The following LDHB variants were observed in gnomAD, a reference collection of about 807,000 sequenced individuals.
LDHB encodes lactate dehydrogenase B, also known as L-lactate dehydrogenase B chain.
Under a neutral mutation model 33.4 loss-of-function variants are expected in LDHB, and 18 were observed. The ratio of observed to expected loss-of-function variants is 0.54; its 90% CI spans 0.37 to 0.80. LDHB has a LOEUF of 0.80. LDHB is among the 30% of genes least tolerant of loss of function. LDHB has a pLI of 0.00. For synonymous variants in LDHB, 121 were observed against 140.6 expected (o/e 0.86, Z 0.98); for missense variants, 345 against 407.9 (o/e 0.85, Z 1.33).
intron 3 of LDHB, among the ~76,000 whole-genome samples, 188 bp from the exon 4 acceptor site, chr12:21,644,296 C>A (rs563210008): frequency 1.3e-5 from 2 of 151,866 alleles, no homozygotes; most frequent in South Asian, 4.1e-4. Flanking sequence ...TTGAGCTACA[C>A]TGCAATAATC....
At position 21,646,919 on chromosome 12, in the gene LDHB, G is replaced by C. The variant is rs776266803; in HGVS notation, c.227C>G (p.Pro76Arg). ...ATTACCTTTATCTGCCACAATTTTAGGTGTCTGAAGAAATAAGCTCCCATG... is the reference window on the plus strand; with the variant it reads ...ATTACCTTTATCTGCCACAATTTTACGTGTCTGAAGAAATAAGCTCCCATG... ...LQHGSLFLQTPKIVADKDYSV... is the reference protein window; with the variant it reads ...LQHGSLFLQTRKIVADKDYSV... Residue 76 changes from proline to arginine, a missense_variant, in exon 3 of 8, where the codon CCT (proline) becomes CGT (arginine). Transcript: ENST00000350669. 4 of 1,607,882 alleles carry C rather than the reference G, an allele frequency of 2.5e-6. No homozygotes were observed. The East Asian group carries it at 6.7e-5, about 27-fold the overall frequency.
chr12:21,646,209 C>T (rs961584305), intron 3 of LDHB, among the ~76,000 whole-genome samples: 1 of 152,148 alleles, frequency 6.6e-6, no homozygotes, highest in African/African-American at 2.4e-5. Context: ...CAGGTTATAT[C>T]TAAATTGAGA....
intron 2 of LDHB, among the ~76,000 whole-genome samples, chr12:21,648,206 A>G (rs1938581795): frequency 6.6e-6 from 1 of 152,126 alleles, no homozygotes; most frequent in Non-Finnish European, 1.5e-5. Context: ...GTTAGCAAAA[A>G]TATCAGCTAA....
intron 3 of LDHB, 66 bp downstream of exon 3, chr12:21,646,833 C>G (rs1054366141): frequency 9.1e-6 from 8 of 877,342 alleles, no homozygotes; most frequent in Non-Finnish European, 1.6e-5. Flanking sequence ...CTGTAAGATG[C>G]ATTCCAAATG....
chr12:21,640,867 A>G (rs182561062), intron 5 of LDHB, among the ~76,000 whole-genome samples: 12 of 152,220 alleles, frequency 7.9e-5, no homozygotes, highest in African/African-American at 2.9e-4. Context: ...AGTCAGTTTG[A>G]AAAGCCTGGG....
intron 1 of LDHB, 23 bp from the exon 2 acceptor site, chr12:21,654,700 T>C: frequency 2.5e-6 from 4 of 1,592,244 alleles, no homozygotes; most frequent in Non-Finnish European, 3.4e-6. Flanking sequence ...AATCAAAACA[T>C]TACACGTATA....
In LDHB at chr12:21,644,154, A is replaced by G. The variant is rs1361301096; in HGVS notation, c.248-46T>C. On this transcript the variant is annotated intron_variant, in intron 3 of 7. Coordinates refer to ENST00000350669, the MANE Select transcript of LDHB (RefSeq NM_002300.8). ...ACAGGTACTTTAAATGCAACTCTTCATTATAACATAACCTATATGACATGC... is the reference window on the plus strand; with the variant it reads ...ACAGGTACTTTAAATGCAACTCTTCGTTATAACATAACCTATATGACATGC... The G allele has an allele frequency of 5.3e-6, 7 of 1,329,928 alleles. No homozygotes were observed. In the Admixed American group the frequency reaches 8.5e-5, roughly 16 times the overall value. 82.4% of individuals were successfully genotyped at this position (1,329,928 alleles called of 1,614,324 possible).
In LDHB at chr12:21,635,352, T is replaced by C. The variant is rs1355504705; in HGVS notation, c.*190A>G. The C allele has an allele frequency of 1.2e-5, 7 of 605,756 alleles. No individual in the cohort carries two copies. The highest frequency in any genetic ancestry group is 2.8e-5 in the Admixed American group (1 of 35,192). The allele number at this position is 605,756 out of a possible 1,614,324, so 37.5% of individuals were successfully genotyped here. A position where few individuals can be genotyped will look rare whatever the true frequency, so the allele number is the denominator to read the frequency against. ...TCCCAGAAACAGAAGCACACTACAA[T>C]AGTTAATTTTATTTGTTCAAGAGCT... On this transcript the variant is annotated 3_prime_UTR_variant, in exon 8 of 8. Transcript: ENST00000350669.
At chr12:21,642,605 A>T (rs958375030) in intron 4 of LDHB, among the ~76,000 whole-genome samples, 2 of 152,220 alleles carry the variant, frequency 1.3e-5, no homozygotes, top group African/African-American at 4.8e-5. Flanking sequence ...AACAACTGTG[A>T]TAATACGTAG....
chr12:21,652,027 T>C (rs980165441), intron 2 of LDHB, among the ~76,000 whole-genome samples: 18 of 152,230 alleles, frequency 1.2e-4, no homozygotes, highest in African/African-American at 4.3e-4. Context: ...TCTCAAGCCC[T>C]TGAGTTGAGC....
In LDHB at chr12:21,643,944, AAACCACAATTATG is replaced by A. The variant is rs774066017; in HGVS notation, c.399_411del (p.Ile134ProfsTer14). ...AAGTATACAATAATACCTGGGTTGG[AAACCACAATTATG>A]ATGCAATCAGGACTGTACTTGACGA... is the stretch of plus-strand genomic sequence containing the variant. On this transcript the variant is annotated frameshift_variant, in exon 4 of 8. Coordinates refer to ENST00000350669, the MANE Select transcript of LDHB (RefSeq NM_002300.8). LOFTEE classifies it high-confidence loss of function. 1 of 1,609,392 alleles carries A rather than the reference AAACCACAATTATG, an allele frequency of 6.2e-7. No individual in the cohort carries two copies. Among genetic ancestry groups the A allele is most frequent in the Non-Finnish European group, 8.5e-7 (1 of 1,175,764 alleles).
chr12:21,656,100 A>G (rs774627663), intron 1 of LDHB, among the ~76,000 whole-genome samples: 2 of 152,232 alleles, frequency 1.3e-5, no homozygotes, highest in Non-Finnish European at 2.9e-5. Flanking sequence ...TCTAATCTGC[A>G]ATGGACTAAG....
chr12:21,639,540 T>C (rs965252401), intron 5 of LDHB, among the ~76,000 whole-genome samples: 1 of 152,048 alleles, frequency 6.6e-6, no homozygotes, highest in Admixed American at 6.6e-5. Flanking sequence ...TAATATCACT[T>C]CTATCACCTA....
At chr12:21,647,580 C>T (rs1033912139) in intron 2 of LDHB, among the ~76,000 whole-genome samples, 12 of 152,010 alleles carry the variant, frequency 7.9e-5, no homozygotes, top group African/African-American at 2.9e-4. Context: ...CTGAGACTTG[C>T]CCAGTCTCAG....
chr12:21,652,650 A>C (rs766321293), intron 2 of LDHB, among the ~76,000 whole-genome samples: 7 of 146,862 alleles, frequency 4.8e-5, no homozygotes, highest in African/African-American at 1.9e-4. Context: ...GCTATCCTAA[A>C]TGATAGTTAC....
chr12:21,642,006 T>C lies in LDHB; in HGVS notation c.541A>G (p.Ile181Val), dbSNP rs746464388. The stretch of plus-strand genomic sequence containing the variant: ...CATCCATGGCAGCTGCTGGGATGAA[T>C]GCCAAGTTTTTCAGCCATAAGGTAG... ...FRYLMAEKLG[I>V]HPSSCHGWIL... Residue 181 changes from isoleucine to valine, a missense_variant, in exon 5 of 8, where the codon ATT becomes GTT. Coordinates refer to ENST00000350669, the MANE Select transcript of LDHB (RefSeq NM_002300.8). 1.2e-6 allele frequency: 2 copies of C among 1,613,680 alleles called. No homozygotes were observed. The highest frequency in any genetic ancestry group is 1.3e-5 in the African/African-American group (1 of 74,976).
chr12:21,649,781 T>A (rs1232001378), intron 2 of LDHB, among the ~76,000 whole-genome samples: 1 of 152,112 alleles, frequency 6.6e-6, no homozygotes, highest in Non-Finnish European at 1.5e-5. Flanking sequence ...CCTTAATATT[T>A]GATGGTTTCA....
chr12:21,651,433 G>A (rs1285411503), intron 2 of LDHB, among the ~76,000 whole-genome samples: 2 of 152,142 alleles, frequency 1.3e-5, no homozygotes, highest in African/African-American at 4.8e-5. Context: ...TCATATGGTG[G>A]GACACTGTAC....
chr12:21,638,476 T>TA lies in LDHB; in HGVS notation c.596-7dup, dbSNP rs71053332. The TA allele has an allele frequency of 2.5e-4, 269 of 1,096,414 alleles. No individual in the cohort carries two copies. The highest frequency in any genetic ancestry group is 6.2e-4 in the African/African-American group (39 of 62,686). 67.9% of individuals were successfully genotyped at this position (1,096,414 alleles called of 1,614,324 possible). ...CACACCACTCCACACAGCCACTGTTTAAAAAAAAAAAAAAAGACATTGCAG... is the reference window on the plus strand; with the variant it reads ...CACACCACTCCACACAGCCACTGTTTAAAAAAAAAAAAAAAAGACATTGCAG... On this transcript the variant is annotated splice_region_variant and splice_polypyrimidine_tract_variant and intron_variant, in intron 5 of 7. Transcript: ENST00000350669.
Sources: allele counts gnomAD v4.1 joint callset (sites outside exome capture counted in the v4.1 genomes callset), GRCh38; gene constraint gnomAD v4.1.1; transcripts MANE v1.5; gene names NCBI Gene and HGNC (gene_info 2026-07-23, HGNC 2026-07-21).